SLC25A13: variants seen among roughly 807,000 people sequenced by gnomAD.
The protein encoded by SLC25A13 is solute carrier family 25 member 13.
SLC25A13 carries 70 observed loss-of-function variants against 85.5 expected under a neutral mutation model. The observed-to-expected ratio is 0.82, with a 90% CI of 0.68 to 1.00. The LOEUF is 1.00. Ranked by LOEUF, SLC25A13 falls within the 50% of genes least tolerant of loss-of-function variation. SLC25A13 has a pLI of 0.00. For missense variants in SLC25A13, 765 were observed against 819.8 expected (o/e 0.93, Z 0.82); for synonymous variants, 259 against 288.7 (o/e 0.90, Z 1.04).
At chr7:96,221,803 T>G (rs1239112283) in intron 4 of SLC25A13, among the ~76,000 whole-genome samples, 6 of 152,190 alleles carry the variant, frequency 3.9e-5, no homozygotes, top group Non-Finnish European at 8.8e-5. Flanking sequence ...GCCTACCCAT[T>G]TTCCCAAAGC....
chr7:96,230,858 C>T (rs1206635902), intron 4 of SLC25A13, among the ~76,000 whole-genome samples: 1 of 152,196 alleles, frequency 6.6e-6, no homozygotes, highest in Non-Finnish European at 1.5e-5. Flanking sequence ...CCTGTAATCC[C>T]AACACTTTGG....
rs1455863930 is a variant in SLC25A13, at chr7:96,158,866, A to C, written c.1311+11179T>G. 7.2e-5 allele frequency among the ~76,000 whole-genome samples: 11 copies of C among 152,372 alleles called. No homozygotes were observed. The South Asian group carries it at 2.3e-3, about 32-fold the overall frequency. On this transcript the variant is annotated intron_variant, in intron 13 of 17. Coordinates refer to ENST00000265631, the MANE Select transcript of SLC25A13 (RefSeq NM_014251.3). The stretch of plus-strand genomic sequence containing the variant: ...AAATAAAGACTTGTAAAGGAATCTA[A>C]GGTTCAACATATTTTCCATTTACTT...
chr7:96,184,073 A>G (rs553858999), intron 11 of SLC25A13, among the ~76,000 whole-genome samples: 1 of 152,306 alleles, frequency 6.6e-6, no homozygotes. Context: ...ACAACAGAGC[A>G]CTATAAATAA....
intron 1 of SLC25A13, among the ~76,000 whole-genome samples, chr7:96,300,468 G>A (rs908584831): frequency 6.6e-6 from 1 of 152,052 alleles, no homozygotes; most frequent in Non-Finnish European, 1.5e-5. Flanking sequence ...CTCAATAAAT[G>A]GTATCTATTA....
intron 5 of SLC25A13, among the ~76,000 whole-genome samples, chr7:96,197,476 C>A (rs189374002): frequency 8.5e-5 from 13 of 152,226 alleles, no homozygotes; most frequent in African/African-American, 2.6e-4. Flanking sequence ...AAAATTAAAT[C>A]AGGAGGCCAG....
chr7:96,172,664 C>A (rs1794053467), intron 11 of SLC25A13, among the ~76,000 whole-genome samples: 1 of 152,170 alleles, frequency 6.6e-6, no homozygotes, highest in Non-Finnish European at 1.5e-5. Context: ...TCCCAGCCAT[C>A]TGCTCTATTG....
chr7:96,314,288 G>A (rs780509068), intron 1 of SLC25A13, among the ~76,000 whole-genome samples: 8 of 152,160 alleles, frequency 5.3e-5, no homozygotes, highest in Non-Finnish European at 8.8e-5. Context: ...AGGGTCATGT[G>A]AGGCCAGAAA....
chr7:96,230,391 G>A (rs781551250), intron 4 of SLC25A13, among the ~76,000 whole-genome samples: 1 of 152,206 alleles, frequency 6.6e-6, no homozygotes, highest in African/African-American at 2.4e-5. Flanking sequence ...CTCGTGGTAA[G>A]CAGATCCAGA....
At chr7:96,229,400 A>C (rs536823101) in intron 4 of SLC25A13, among the ~76,000 whole-genome samples, 4 of 152,244 alleles carry the variant, frequency 2.6e-5, no homozygotes, top group African/African-American at 9.6e-5. Context: ...AAACAGACCA[A>C]TCAGCTCTCT....
intron 15 of SLC25A13, among the ~76,000 whole-genome samples, chr7:96,125,355 G>A (rs1173099876): frequency 2.0e-5 from 3 of 152,194 alleles, no homozygotes; most frequent in Non-Finnish European, 2.9e-5. Context: ...GCCTCCCAAA[G>A]TGCTGGAATT....
intron 4 of SLC25A13, among the ~76,000 whole-genome samples, chr7:96,213,619 C>G (rs1266931383): frequency 6.6e-6 from 1 of 152,166 alleles, no homozygotes; most frequent in Non-Finnish European, 1.5e-5. Flanking sequence ...AGAAACCCAA[C>G]ATGTTTTAGC....
At chr7:96,277,801 A>ATT (rs1562897843) in intron 2 of SLC25A13, among the ~76,000 whole-genome samples, 25 of 146,796 alleles carry the variant, frequency 1.7e-4, no homozygotes, top group African/African-American at 6.3e-4. Flanking sequence ...AGCTTTTTAA[A>ATT]AAAAAAAAAA....
intron 3 of SLC25A13, among the ~76,000 whole-genome samples, chr7:96,258,866 T>G (rs571628331): frequency 5.3e-5 from 8 of 152,066 alleles, no homozygotes; most frequent in African/African-American, 1.9e-4. Context: ...CCAAAACAGA[T>G]ATATAGACCA....
rs549124146 is a variant in SLC25A13, at chr7:96,301,244, G to A, written c.16-4293C>T. On this transcript the variant is annotated intron_variant, in intron 1 of 17. Transcript: ENST00000265631. ...TAGAAGCCTGGAATTATTAGACTTC[G>A]TTCATTCTTGGGGTTTAGAAGAGTC... Among the ~76,000 whole-genome samples the A allele has an allele frequency of 1.2e-4, 18 of 152,238 alleles. No individual in the cohort carries two copies. In the East Asian group the frequency reaches 2.3e-3, roughly 20 times the overall value.
At chr7:96,243,196 C>T (rs1178757993) in intron 3 of SLC25A13, among the ~76,000 whole-genome samples, 1 of 152,146 alleles carries the variant, frequency 6.6e-6, no homozygotes, top group Non-Finnish European at 1.5e-5. Context: ...AAACTCCTGA[C>T]CTCAGGTGAT....
intron 3 of SLC25A13, among the ~76,000 whole-genome samples, chr7:96,253,210 TGAG>T (rs1797502965): frequency 6.6e-6 from 1 of 152,046 alleles, no homozygotes; most frequent in Non-Finnish European, 1.5e-5. Flanking sequence ...AGTGCAATTA[TGAG>T]GAGTTTTTCT....
At chr7:96,295,840 G>A (rs916677288) in intron 2 of SLC25A13, among the ~76,000 whole-genome samples, 4 of 150,678 alleles carry the variant, frequency 2.7e-5, no homozygotes, top group Admixed American at 1.3e-4. Context: ...TATAAAATAT[G>A]TGTATATTAA....
intron 2 of SLC25A13, among the ~76,000 whole-genome samples, chr7:96,296,068 C>T (rs184479398): frequency 2.6e-5 from 4 of 151,646 alleles, no homozygotes; most frequent in Non-Finnish European, 5.9e-5. Context: ...TATAAGATGC[C>T]AGTATAAGAC....
chr7:96,274,453 T>G (rs1436098840), intron 3 of SLC25A13, among the ~76,000 whole-genome samples: 1 of 152,202 alleles, frequency 6.6e-6, no homozygotes, highest in Non-Finnish European at 1.5e-5. Flanking sequence ...TCCCATTCTG[T>G]AGGTTGCCTG....
Sources: allele counts gnomAD v4.1 joint callset (sites outside exome capture counted in the v4.1 genomes callset), GRCh38; gene constraint gnomAD v4.1.1; transcripts MANE v1.5; gene names NCBI Gene and HGNC (gene_info 2026-07-23, HGNC 2026-07-21).